CENPP: variants seen among roughly 807,000 people sequenced by gnomAD.
CENPP encodes the protein centromere protein P.
In CENPP, 24 loss-of-function variants were observed where a neutral mutation model predicts 35.6. That is an observed-to-expected ratio of 0.67 (90% CI 0.49 to 0.95). The LOEUF is 0.95. Among genes scored for constraint, CENPP ranks in the 40% least tolerant of loss-of-function variants. The pLI is 0.00. For missense variants in CENPP, 332 were observed against 345.3 expected (o/e 0.96, Z 0.31); for synonymous variants, 120 against 125.5 (o/e 0.96, Z 0.29).
chr9:92,519,251 G>T (rs1276986371), intron 5 of CENPP, among the ~76,000 whole-genome samples: 1 of 152,104 alleles, frequency 6.6e-6, no homozygotes, highest in Non-Finnish European at 1.5e-5. Flanking sequence ...TTTCTTCCAG[G>T]TTATCAAAAG....
intron 5 of CENPP, chr9:92,514,693 T>C (rs1253056223): frequency 6.2e-7 from 1 of 1,612,200 alleles, no homozygotes; most frequent in Admixed American, 1.7e-5. Flanking sequence ...AAGCATGGCG[T>C]TGATGCAGCT....
chr9:92,437,310 G>C (rs975405264), intron 5 of CENPP, among the ~76,000 whole-genome samples: 13 of 151,878 alleles, frequency 8.6e-5, no homozygotes, highest in Non-Finnish European at 5.9e-5. Context: ...ACATTGTAAG[G>C]GTTCTTTGTA....
intron 5 of CENPP, chr9:92,393,166 G>T (rs557318116): frequency 6.2e-7 from 1 of 1,613,738 alleles, no homozygotes; most frequent in Admixed American, 1.7e-5. Context: ...CTTTGGTAAG[G>T]GTGGTACAGC....
chr9:92,433,827 G>T (rs950761313), intron 5 of CENPP, among the ~76,000 whole-genome samples: 11 of 152,096 alleles, frequency 7.2e-5, no homozygotes, highest in African/African-American at 2.4e-4. Context: ...AGCTACTTGG[G>T]AGGCTAAGGC....
chr9:92,335,738 G>T (rs1250158379), intron 2 of CENPP, among the ~76,000 whole-genome samples: 1 of 152,034 alleles, frequency 6.6e-6, no homozygotes, highest in Non-Finnish European at 1.5e-5. Context: ...CTGTTCTATT[G>T]ACCTATTTGT....
chr9:92,466,330 A>G (rs769055070), intron 5 of CENPP: 6 of 1,362,096 alleles, frequency 4.4e-6, no homozygotes, highest in African/African-American at 2.9e-5. Context: ...TATAATTTCA[A>G]GATGTCCCAT....
intron 5 of CENPP, among the ~76,000 whole-genome samples, chr9:92,463,250 C>T (rs890492050): frequency 6.6e-6 from 1 of 152,174 alleles, no homozygotes; most frequent in Non-Finnish European, 1.5e-5. Context: ...CTGGTAAGGA[C>T]CCTCAGGATA....
At chr9:92,493,838 AT>A in intron 5 of CENPP, 1 of 292,872 alleles carries the variant, frequency 3.4e-6, no homozygotes, top group Non-Finnish European at 6.3e-6. Flanking sequence ...AGTCATTCTG[AT>A]TTTCATTTTT....
At chr9:92,439,515 C>G (rs1003247439) in intron 5 of CENPP, among the ~76,000 whole-genome samples, 3 of 152,140 alleles carry the variant, frequency 2.0e-5, no homozygotes, top group Admixed American at 2.0e-4. Context: ...GCCCTGGCCA[C>G]AGCTTTTCAT....
chr9:92,574,215 C>T (rs1023093633), intron 5 of CENPP, among the ~76,000 whole-genome samples: 2 of 152,088 alleles, frequency 1.3e-5, no homozygotes, highest in Non-Finnish European at 1.5e-5. Context: ...ATCTTGGAAC[C>T]TCCCCCCAGA....
chr9:92,408,739 C>T (rs1843372015), intron 5 of CENPP, among the ~76,000 whole-genome samples: 1 of 152,140 alleles, frequency 6.6e-6, no homozygotes, highest in Non-Finnish European at 1.5e-5. Flanking sequence ...CCCACCCCCA[C>T]CCCTACTTTG....
At chr9:92,472,388 G>A (rs563523418) in intron 5 of CENPP, among the ~76,000 whole-genome samples, 122 of 151,320 alleles carry the variant, frequency 8.1e-4, no homozygotes, top group Middle Eastern at 6.4e-3. Context: ...GGCTGGGCGC[G>A]GTGGCTCACG....
intron 1 of CENPP, among the ~76,000 whole-genome samples, chr9:92,328,237 G>A (rs899630025): frequency 5.3e-5 from 8 of 152,196 alleles, no homozygotes; most frequent in Non-Finnish European, 8.8e-5. Context: ...TCAGTCCAGG[G>A]TGTTTGGATT....
intron 5 of CENPP, among the ~76,000 whole-genome samples, chr9:92,497,952 A>T (rs2131141085): frequency 6.7e-6 from 1 of 150,132 alleles, no homozygotes; most frequent in Admixed American, 6.6e-5. Context: ...ATCTCTACAC[A>T]CTCCATCTCC....
At position 92,466,727 on chromosome 9, in the gene CENPP, A is replaced by G. The variant is rs563688907; in HGVS notation, c.564+86868A>G. On this transcript the variant is annotated intron_variant, in intron 5 of 7. Coordinates refer to ENST00000375587, the MANE Select transcript of CENPP (RefSeq NM_001012267.3). ...CTTTCCCAGCCCAATCTAAGCTTTT[A>G]AAAAAATTTTACTACTGAGTTAGAA... 5.1e-4 allele frequency among the ~76,000 whole-genome samples: 77 copies of G among 152,302 alleles called. 1 individual carries two copies. In the Middle Eastern group the frequency reaches 0.014, roughly 27 times the overall value.
chr9:92,410,997 C>A (rs188570964), intron 5 of CENPP, among the ~76,000 whole-genome samples: 1 of 152,106 alleles, frequency 6.6e-6, no homozygotes, highest in African/African-American at 2.4e-5. Context: ...CCTTTTGAGA[C>A]AGAGTCTCGC....
At chr9:92,529,687 A>G (rs181398206) in intron 5 of CENPP, among the ~76,000 whole-genome samples, 162 of 152,350 alleles carry the variant, frequency 1.1e-3, no homozygotes, top group African/African-American at 3.8e-3. Context: ...CATATAATAT[A>G]TAACTAAATG....
chr9:92,343,305 G>C (rs1432931719), intron 3 of CENPP, among the ~76,000 whole-genome samples: 1 of 152,056 alleles, frequency 6.6e-6, no homozygotes, highest in Non-Finnish European at 1.5e-5. Context: ...AAGGTGGTTG[G>C]GACATAGAGC....
At chr9:92,502,789 A>G (rs1167763965) in intron 5 of CENPP, 11 of 701,766 alleles carry the variant, frequency 1.6e-5, no homozygotes, top group East Asian at 3.5e-5. Context: ...AAGTAAGCTC[A>G]TATTTTTAAG....
Sources: allele counts gnomAD v4.1 joint callset (sites outside exome capture counted in the v4.1 genomes callset), GRCh38; gene constraint gnomAD v4.1.1; transcripts MANE v1.5; gene names NCBI Gene and HGNC (gene_info 2026-07-23, HGNC 2026-07-21).